TMEM232: variants seen among roughly 807,000 people sequenced by gnomAD.
TMEM232 encodes transmembrane protein 232.
TMEM232 carries 80 observed loss-of-function variants against 78.8 expected under a neutral mutation model. The ratio of observed to expected loss-of-function variants is 1.01; its 90% confidence interval spans 0.85 to 1.22. The LOEUF (loss-of-function observed/expected upper bound fraction) is 1.22, where lower values mean the gene tolerates loss of function less well. Among genes scored for constraint, TMEM232 ranks in the 50% most tolerant of loss-of-function variants. The pLI, the probability that TMEM232 is intolerant of heterozygous loss-of-function variation, is 0.00. For synonymous variants in TMEM232, 297 were observed against 254.3 expected (o/e 1.17, Z -1.60); for missense variants, 881 against 742.2 (o/e 1.19, Z -2.17).
intron 10 of TMEM232, among the ~76,000 whole-genome samples, chr5:110,580,737 T>TA (rs1183380459): frequency 6.6e-6 from 1 of 150,830 alleles, no homozygotes; most frequent in Non-Finnish European, 1.5e-5. Context: ...ACAGGATAAT[T>TA]TTTTTTTCAA....
Position 110,391,291 on chromosome 5 carries a change from A to ATGTGTGTG in TMEM232, n.391-659_391-652dup, listed in dbSNP as rs369913835. 8.7e-3 allele frequency among the ~76,000 whole-genome samples: 1,132 copies of ATGTGTGTG among 130,622 alleles called. 7 individuals are homozygous for ATGTGTGTG. Among genetic ancestry groups the ATGTGTGTG allele is most frequent in the East Asian group, 0.022 (89 of 4,108 alleles). The allele number at this position is 130,622 out of a possible 152,430, so 85.7% of individuals were successfully genotyped here. Reference sequence around the variant, plus strand: ...AAAGAAGTCTGAGGCTCCCGTTTGAATGTGTGTGTGTGTGTGTGTGTGTGT... The same window carrying ATGTGTGTG: ...AAAGAAGTCTGAGGCTCCCGTTTGAATGTGTGTGTGTGTGTGTGTGTGTGTGTGTGTGT... On this transcript the variant is annotated intron_variant and non_coding_transcript_variant, in intron 3 of 8. Coordinates refer to the TMEM232 transcript ENST00000507188.
At chr5:110,557,719 GAAC>G (rs1441809440) in intron 11 of TMEM232, among the ~76,000 whole-genome samples, 1 of 152,062 alleles carries the variant, frequency 6.6e-6, no homozygotes, top group Non-Finnish European at 1.5e-5. Flanking sequence ...TCTGTCACAA[GAAC>G]AATACTAGGG....
intron 12 of TMEM232, among the ~76,000 whole-genome samples, chr5:110,458,759 TC>T (rs1396394838): frequency 2.0e-5 from 3 of 152,202 alleles, no homozygotes; most frequent in South Asian, 4.1e-4. Context: ...ATTTTTATAT[TC>T]CCTCTATGTG....
At chr5:110,635,353 A>G (rs1024727391) in intron 5 of TMEM232, among the ~76,000 whole-genome samples, 2 of 152,016 alleles carry the variant, frequency 1.3e-5, no homozygotes, top group Admixed American at 6.6e-5. Context: ...GCGTTACCCT[A>G]ATACCAAAAC....
intron 12 of TMEM232, among the ~76,000 whole-genome samples, chr5:110,461,184 C>G (rs2149354846): frequency 6.6e-6 from 1 of 151,580 alleles, no homozygotes; most frequent in East Asian, 1.9e-4. Flanking sequence ...AATAGTCAAG[C>G]TGTGAATGCA....
chr5:110,715,784 G>T (rs927282677), intron 1 of TMEM232, among the ~76,000 whole-genome samples: 7 of 152,054 alleles, frequency 4.6e-5, no homozygotes, highest in Admixed American at 1.3e-4. Flanking sequence ...GGAATGCAGG[G>T]AAAGCTGGCC....
chr5:110,669,972 G>A (rs1165952320), intron 1 of TMEM232, among the ~76,000 whole-genome samples: 1 of 151,992 alleles, frequency 6.6e-6, no homozygotes, highest in Non-Finnish European at 1.5e-5. Context: ...GGTATTGATG[G>A]GACATATCTC....
At chr5:110,704,729 C>T (rs1482282828) in intron 1 of TMEM232, among the ~76,000 whole-genome samples, 3 of 152,038 alleles carry the variant, frequency 2.0e-5, no homozygotes, top group African/African-American at 7.2e-5. Context: ...AAGATACTAC[C>T]AGGGCCCCCG....
chr5:110,497,087 A>G (rs149899621), intron 12 of TMEM232, among the ~76,000 whole-genome samples: 15 of 152,064 alleles, frequency 9.9e-5, no homozygotes, highest in Non-Finnish European at 2.2e-4. Flanking sequence ...TGGATCAGAT[A>G]TATCTATGGT....
At chr5:110,676,510 A>T (rs1792046060) in intron 1 of TMEM232, among the ~76,000 whole-genome samples, 1 of 151,034 alleles carries the variant, frequency 6.6e-6, no homozygotes, top group African/African-American at 2.4e-5. Flanking sequence ...GGCTTAAGCG[A>T]TCCTCCCGCT....
chr5:110,445,074 G>GAAAAATTTTTCATTTATTTCTT (rs1232746168), intron 12 of TMEM232, among the ~76,000 whole-genome samples: 2 of 151,814 alleles, frequency 1.3e-5, no homozygotes, highest in African/African-American at 4.8e-5. Context: ...TTCCATGGCT[G>GAAAAATTTTTCATTTATTTCTT]AAAAATTTTT....
At chr5:110,729,357 C>T (rs1053241802), upstream of TMEM232, among the ~76,000 whole-genome samples, 11 of 152,206 alleles carry the variant, frequency 7.2e-5, 1 homozygote, top group African/African-American at 2.7e-4. Flanking sequence ...CAAACTCACA[C>T]AAACGCATAC....
At chr5:110,624,714 ATG>A (rs1784191864) in intron 7 of TMEM232, among the ~76,000 whole-genome samples, 1 of 152,052 alleles carries the variant, frequency 6.6e-6, no homozygotes, top group Admixed American at 6.6e-5. Context: ...TTACAAATAG[ATG>A]TGTTGGAATT....
At chr5:110,709,220 C>T (rs1044269805) in intron 1 of TMEM232, among the ~76,000 whole-genome samples, 2 of 152,010 alleles carry the variant, frequency 1.3e-5, no homozygotes, top group East Asian at 3.9e-4. Flanking sequence ...AACTGGAGCA[C>T]ACAGATACAT....
intron 10 of TMEM232, among the ~76,000 whole-genome samples, chr5:110,586,565 C>G: frequency 7.4e-6 from 1 of 135,688 alleles, no homozygotes; most frequent in East Asian, 2.5e-4. Context: ...CATACACACC[C>G]TTTCACACAC....
At chr5:110,642,643 T>C (rs2150023496) in intron 2 of TMEM232, among the ~76,000 whole-genome samples, 1 of 152,178 alleles carries the variant, frequency 6.6e-6, no homozygotes, top group East Asian at 1.9e-4. Flanking sequence ...AGAAGTCTTG[T>C]TGGTATAAGC....
chr5:110,726,651 C>A lies in TMEM232; in HGVS notation c.-37G>T, dbSNP rs1437251872. 1.3e-5 allele frequency: 2 copies of A among 152,186 alleles called. No homozygotes were observed. The highest frequency in any genetic ancestry group is 2.9e-5 in the Non-Finnish European group (2 of 68,058). The allele number at this position is 152,186 out of a possible 1,614,324, so 9.4% of individuals were successfully genotyped here. ...CCGCTGCGCTCTGAGCCGCTGGGAA[C>A]CAAGGCTGGTTGCTAAGGACGCTGT... On this transcript the variant is annotated 5_prime_UTR_variant, in exon 1 of 14. Transcript: ENST00000455884.
chr5:110,633,006 C>A (rs1785333018), intron 5 of TMEM232, among the ~76,000 whole-genome samples: 1 of 151,954 alleles, frequency 6.6e-6, no homozygotes, highest in African/African-American at 2.4e-5. Flanking sequence ...TCTAGTCAGC[C>A]TTGAGCAGAC....
At chr5:110,562,361 C>G (rs1775850001) in intron 11 of TMEM232, among the ~76,000 whole-genome samples, 1 of 152,174 alleles carries the variant, frequency 6.6e-6, no homozygotes. Flanking sequence ...GTGTTCTTAT[C>G]TCTGCATGGC....
Sources: allele counts gnomAD v4.1 joint callset (sites outside exome capture counted in the v4.1 genomes callset), GRCh38; gene constraint gnomAD v4.1.1; transcripts MANE v1.5; gene names NCBI Gene and HGNC (gene_info 2026-07-23, HGNC 2026-07-21).